ADGRL3: variants seen among roughly 807,000 people sequenced by gnomAD.
The protein encoded by ADGRL3 is adhesion G protein-coupled receptor L3.
A neutral mutation model predicts 153.5 loss-of-function variants in ADGRL3; 62 were observed. The observed-to-expected ratio is 0.40, with a 90% CI of 0.33 to 0.50. The LOEUF (loss-of-function observed/expected upper bound fraction) is 0.50, where lower values mean the gene tolerates loss of function less well. ADGRL3 is among the 20% of genes least tolerant of loss of function. The probability of loss-of-function intolerance (pLI) is 0.47; values close to 1 mark genes in which losing one functional copy is unlikely to be tolerated. For synonymous variants in ADGRL3, 710 were observed against 672.5 expected, an observed-to-expected ratio of 1.06 and a Z score of -0.86; for missense variants, 1,641 against 1,859.4, an observed-to-expected ratio of 0.88 and a Z score of 2.16.
intron 4 of ADGRL3, among the ~76,000 whole-genome samples, chr4:61,574,554 A>G (rs1448825389): frequency 6.6e-6 from 1 of 151,804 alleles, no homozygotes; most frequent in Non-Finnish European, 1.5e-5. Flanking sequence ...TCAACATCAA[A>G]CAAGAATCTT....
In ADGRL3 at chr4:61,306,357, C is replaced by A. The variant is rs943265309; in HGVS notation, c.-239-76767C>A. Among the ~76,000 whole-genome samples the A allele has an allele frequency of 2.6e-5, 4 of 152,182 alleles. No homozygotes were observed. The East Asian group carries it at 7.8e-4, about 30-fold the overall frequency. On this transcript the variant is annotated intron_variant, in intron 1 of 26. Transcript: ENST00000683033. The stretch of plus-strand genomic sequence containing the variant: ...TTGTGATCCACCCACCTTGGCCTCC[C>A]AAAGTGCAGGGATTACAGGCGTGAG...
intron 1 of ADGRL3, among the ~76,000 whole-genome samples, chr4:61,249,571 A>T (rs979748502): frequency 2.5e-4 from 38 of 152,278 alleles, no homozygotes; most frequent in African/African-American, 9.1e-4. Context: ...AAACAGAGTG[A>T]CAAAAGGAAT....
At chr4:61,609,401 C>G (rs567089585) in intron 5 of ADGRL3, among the ~76,000 whole-genome samples, 1 of 151,966 alleles carries the variant, frequency 6.6e-6, no homozygotes, top group South Asian at 2.1e-4. Flanking sequence ...ATTTTAAAAC[C>G]TTTATTAGGT....
chr4:61,831,136 A>T (rs1581042850), intron 9 of ADGRL3, among the ~76,000 whole-genome samples: 1 of 150,430 alleles, frequency 6.6e-6, no homozygotes, highest in East Asian at 2.0e-4. Context: ...GGATCCACCC[A>T]CCTCTGCCTC....
intron 9 of ADGRL3, among the ~76,000 whole-genome samples, chr4:61,835,413 A>G (rs1189080199): frequency 6.6e-6 from 1 of 151,112 alleles, no homozygotes; most frequent in Non-Finnish European, 1.5e-5. Flanking sequence ...ACCTTTTTCC[A>G]GAAAAACAAG....
intron 2 of ADGRL3, among the ~76,000 whole-genome samples, chr4:61,462,395 C>G (rs1022535265): frequency 6.6e-6 from 1 of 151,950 alleles, no homozygotes; most frequent in Admixed American, 6.6e-5. Context: ...CTTATTCTGG[C>G]AGGTAAGAAG....
chr4:61,350,438 C>A (rs2096020341), intron 1 of ADGRL3, among the ~76,000 whole-genome samples: 1 of 145,266 alleles, frequency 6.9e-6, no homozygotes. Flanking sequence ...ATATGGTGCT[C>A]TTTACGTTAT....
At chr4:61,526,061 T>C (rs571899867) in intron 4 of ADGRL3, among the ~76,000 whole-genome samples, 1 of 152,054 alleles carries the variant, frequency 6.6e-6, no homozygotes, top group East Asian at 1.9e-4. Context: ...AAGGAAAAAA[T>C]GCAAGCCATT....
intron 6 of ADGRL3, among the ~76,000 whole-genome samples, chr4:61,699,969 A>AC (rs2095718707): frequency 2.0e-5 from 3 of 150,674 alleles, no homozygotes; most frequent in South Asian, 2.1e-4. Flanking sequence ...CACACACACA[A>AC]AAACACACAC....
intron 8 of ADGRL3, among the ~76,000 whole-genome samples, chr4:61,779,633 C>CAAAAAAA (rs1174232668): frequency 2.4e-5 from 1 of 42,096 alleles, no homozygotes; most frequent in Non-Finnish European, 4.0e-5. Context: ...GACTCTGTCT[C>CAAAAAAA]AAAAAAAAAA....
intron 3 of ADGRL3, among the ~76,000 whole-genome samples, chr4:61,500,421 T>C (rs964656794): frequency 4.6e-5 from 7 of 152,180 alleles, no homozygotes; most frequent in African/African-American, 1.7e-4. Flanking sequence ...TGCTCATAAA[T>C]AGAAAAATGT....
chr4:61,863,126 C>T (rs1445599579), intron 9 of ADGRL3, among the ~76,000 whole-genome samples: 1 of 151,512 alleles, frequency 6.6e-6, no homozygotes, highest in Non-Finnish European at 1.5e-5. Context: ...GATCCTTTTT[C>T]ATTCCGACAT....
chr4:61,490,540 A>G (rs184542679), intron 2 of ADGRL3, among the ~76,000 whole-genome samples: 211 of 152,262 alleles, frequency 1.4e-3, no homozygotes, highest in African/African-American at 4.7e-3. Context: ...AAGATGATTG[A>G]AAGTTTGTCC....
intron 8 of ADGRL3, among the ~76,000 whole-genome samples, chr4:61,767,033 G>A (rs1444515188): frequency 1.3e-5 from 2 of 152,030 alleles, no homozygotes; most frequent in East Asian, 3.9e-4. Flanking sequence ...AGTGTGCTGT[G>A]GGATGGGATA....
intron 25 of ADGRL3, among the ~76,000 whole-genome samples, chr4:62,054,109 T>A (rs1735727478): frequency 6.6e-6 from 1 of 151,584 alleles, no homozygotes; most frequent in African/African-American, 2.4e-5. Flanking sequence ...AGATAAATAT[T>A]TTTTGCTAAG....
At chr4:61,296,394 T>G (rs2094413668) in intron 1 of ADGRL3, among the ~76,000 whole-genome samples, 1 of 152,160 alleles carries the variant, frequency 6.6e-6, no homozygotes, top group South Asian at 2.1e-4. Context: ...TTATTGCCCT[T>G]TCATGGTAAA....
chr4:61,327,379 G>A (rs1435914881), intron 1 of ADGRL3, among the ~76,000 whole-genome samples: 6 of 150,542 alleles, frequency 4.0e-5, no homozygotes, highest in African/African-American at 1.5e-4. Flanking sequence ...TTCCTGTAAA[G>A]TATGCTCCTA....
intron 1 of ADGRL3, among the ~76,000 whole-genome samples, chr4:61,381,123 T>C (rs2096662066): frequency 6.6e-6 from 1 of 151,902 alleles, no homozygotes; most frequent in South Asian, 2.1e-4. Flanking sequence ...GGCATTGAGA[T>C]GTTGAATAGC....
rs2097113054 is a variant in ADGRL3 at position 61,773,777 on chromosome 4, TG to T, written c.1400-40029del. On this transcript the variant is annotated intron_variant, in intron 8 of 26. Transcript: ENST00000683033. ...TTAAGGAGTTCTTCATGGATGCACATGGGAGAACTCTGATGAGTAACTCAAC... is the reference window on the plus strand; with the variant it reads ...TTAAGGAGTTCTTCATGGATGCACATGGAGAACTCTGATGAGTAACTCAAC... Among the ~76,000 whole-genome samples, 3 of 152,076 alleles carry T rather than the reference TG, an allele frequency of 2.0e-5. No homozygotes were observed. The South Asian group carries it at 6.2e-4, about 32-fold the overall frequency.
Sources: gnomAD v4.1 joint callset for allele counts (sites outside exome capture counted in the v4.1 genomes callset) on GRCh38, gnomAD v4.1.1 for gene constraint, MANE v1.5 for transcripts, NCBI Gene and HGNC (gene_info 2026-07-23, HGNC 2026-07-21) for gene names.